EPHX2: variants seen among roughly 807,000 people sequenced by gnomAD.
EPHX2 encodes bifunctional epoxide hydrolase 2.
In EPHX2, 74 loss-of-function variants were observed where a neutral mutation model predicts 78.7. The observed-to-expected ratio is 0.94, with a 90% CI of 0.78 to 1.14. EPHX2 has a LOEUF of 1.14. Among genes scored for constraint, EPHX2 ranks in the 50% most tolerant of loss-of-function variants. The pLI, the probability that EPHX2 is intolerant of heterozygous loss-of-function variation, is 0.00. For missense variants in EPHX2, 715 were observed against 702.5 expected (o/e 1.02, Z -0.20); for synonymous variants, 251 against 255.2 (o/e 0.98, Z 0.16).
At chr8:27,519,598 T>C (rs1280977488) in intron 9 of EPHX2, among the ~76,000 whole-genome samples, 2 of 152,188 alleles carry the variant, frequency 1.3e-5, no homozygotes, top group Non-Finnish European at 2.9e-5. Context: ...GCTTGGTTCC[T>C]GAGAGGATGC....
intron 1 of EPHX2, among the ~76,000 whole-genome samples, chr8:27,495,890 C>T (rs766457941): frequency 6.6e-6 from 1 of 152,116 alleles, no homozygotes; most frequent in African/African-American, 2.4e-5. Context: ...TGTACTAGGG[C>T]CTGCTTTAAG....
intron 11 of EPHX2, among the ~76,000 whole-genome samples, chr8:27,525,079 T>C (rs1022546443): frequency 9.3e-5 from 13 of 139,664 alleles, no homozygotes; most frequent in Non-Finnish European, 2.0e-4. Flanking sequence ...TGTGTGTGTG[T>C]GTGTGTGTGT....
At chr8:27,526,571 C>G (rs1160156761) in intron 12 of EPHX2, among the ~76,000 whole-genome samples, 1 of 152,124 alleles carries the variant, frequency 6.6e-6, no homozygotes, top group Non-Finnish European at 1.5e-5. Context: ...GCTGCCATAA[C>G]AAAGGCTAGG....
In EPHX2 at chr8:27,544,649, CA is replaced by C. The variant is rs1815528984; in HGVS notation, c.*128del. On this transcript the variant is annotated 3_prime_UTR_variant, in exon 19 of 19. Coordinates refer to ENST00000521400, the MANE Select transcript of EPHX2 (RefSeq NM_001979.6). ...GGCAGCATTGTTCTGAAGGGGTTTG[CA>C]GAAAAAAAAGATTTTCTTTACATAA... 1.1e-6 allele frequency: 1 copy of C among 927,562 alleles called. No individual in the cohort carries two copies. Among genetic ancestry groups the C allele is most frequent in the Non-Finnish European group, 1.7e-6 (1 of 598,640 alleles). 57.5% of individuals were successfully genotyped at this position (927,562 alleles called of 1,614,324 possible). A position where few individuals can be genotyped will look rare whatever the true frequency, so the allele number is the denominator to read the frequency against.
intron 3 of EPHX2, among the ~76,000 whole-genome samples, chr8:27,504,377 T>G (rs1013173894): frequency 3.3e-5 from 5 of 152,212 alleles, no homozygotes; most frequent in Admixed American, 2.0e-4. Flanking sequence ...TTTCCAGCAT[T>G]GCCTAGTTCT....
Position 27,500,912 on chromosome 8 carries a change from T to C in EPHX2, c.102-14T>C. 1 of 1,610,900 alleles carries C rather than the reference T, an allele frequency of 6.2e-7. No individual in the cohort carries two copies. Among genetic ancestry groups the C allele is most frequent in the Non-Finnish European group, 8.5e-7 (1 of 1,178,008 alleles). Reference sequence around the variant, plus strand: ...AATCCACAGAATGTTCCTGATGTTCTTTGTGTTTTCCAGAGGACTTCTGAA... The same window carrying C: ...AATCCACAGAATGTTCCTGATGTTCCTTGTGTTTTCCAGAGGACTTCTGAA... On this transcript the variant is annotated splice_polypyrimidine_tract_variant and intron_variant, in intron 1 of 18. Coordinates refer to ENST00000521400, the MANE Select transcript of EPHX2 (RefSeq NM_001979.6).
intron 12 of EPHX2, among the ~76,000 whole-genome samples, chr8:27,535,548 C>T (rs774863558): frequency 2.6e-5 from 4 of 152,162 alleles, no homozygotes; most frequent in Admixed American, 6.5e-5. Flanking sequence ...TCCTAAACTA[C>T]GTCTGGAACA....
At chr8:27,508,118 T>C (rs1814085579) in intron 5 of EPHX2, among the ~76,000 whole-genome samples, 1 of 152,124 alleles carries the variant, frequency 6.6e-6, no homozygotes, top group Admixed American at 6.6e-5. Flanking sequence ...CTGGCCAACA[T>C]GGCTACAACC....
At chr8:27,546,240 G>A (rs1815574692), downstream of EPHX2, among the ~76,000 whole-genome samples, 1 of 151,996 alleles carries the variant, frequency 6.6e-6, no homozygotes. Context: ...AAGGATATCT[G>A]TGCCCCAGTT....
chr8:27,539,422 G>A (rs1408812910), intron 14 of EPHX2, among the ~76,000 whole-genome samples: 1 of 152,200 alleles, frequency 6.6e-6, no homozygotes, highest in Non-Finnish European at 1.5e-5. Context: ...TTCCAAAGAG[G>A]AAAACAGGTC....
intron 11 of EPHX2, among the ~76,000 whole-genome samples, chr8:27,525,107 T>TGTGTGTGTGC (rs1491544464): frequency 2.2e-4 from 23 of 103,490 alleles, no homozygotes; most frequent in African/African-American, 8.0e-4. Context: ...TGTGTGTGTG[T>TGTGTGTGTGC]GCGCGCGCGC....
chr8:27,502,405 A>G (rs1424031466), intron 2 of EPHX2, among the ~76,000 whole-genome samples: 1 of 152,240 alleles, frequency 6.6e-6, no homozygotes, highest in African/African-American at 2.4e-5. Flanking sequence ...ATGTGTATAT[A>G]TAACAATCCA....
chr8:27,522,555 ACTC>A, intron 11 of EPHX2, 47 bp downstream of exon 11: 1 of 1,577,348 alleles, frequency 6.3e-7, no homozygotes, highest in Non-Finnish European at 8.7e-7. Context: ...CTGGACTTGA[ACTC>A]CTGTGAGAAT....
chr8:27,519,638 T>C (rs939796786), intron 9 of EPHX2, among the ~76,000 whole-genome samples: 2 of 152,252 alleles, frequency 1.3e-5, no homozygotes, highest in African/African-American at 4.8e-5. Context: ...TCGTGAAGAC[T>C]GATGAACGAT....
chr8:27,515,210 C>A (rs531093004), intron 6 of EPHX2, among the ~76,000 whole-genome samples: 1 of 152,238 alleles, frequency 6.6e-6, no homozygotes, highest in East Asian at 1.9e-4. Flanking sequence ...TTCCTTTTCA[C>A]CAAGAAAACC....
Position 27,511,875 on chromosome 8 carries a change from C to T in EPHX2, c.700C>T (p.Pro234Ser). The change falls in exon 6 of 19, where the codon CCA becomes TCA. Residue 234 changes from proline to serine, a missense_variant. Transcript: ENST00000521400. ...GGCCCCTCTGCCGACCTCTTGCAAT[C>T]CAAGTGACATGAGCCATGGGTACGT... Reference protein sequence around the residue: ...TPAPLPTSCNPSDMSHGYVTV... With the variant: ...TPAPLPTSCNSSDMSHGYVTV... 6.2e-7 allele frequency: 1 copy of T among 1,614,182 alleles called. No homozygotes were observed. Among genetic ancestry groups the T allele is most frequent in the Non-Finnish European group, 8.5e-7 (1 of 1,180,034 alleles).
At chr8:27,510,134 C>A (rs924347242) in intron 5 of EPHX2, among the ~76,000 whole-genome samples, 5 of 152,212 alleles carry the variant, frequency 3.3e-5, no homozygotes, top group African/African-American at 2.4e-5. Context: ...TCTGCAGAGT[C>A]TTCCATAGTT....
intron 12 of EPHX2, among the ~76,000 whole-genome samples, chr8:27,530,211 C>A (rs34771389): frequency 1.3e-5 from 2 of 152,066 alleles, no homozygotes; most frequent in Non-Finnish European, 2.9e-5. Flanking sequence ...TTCTTAATCT[C>A]TAGAACACAG....
At chr8:27,525,068 CTG>C (rs56963159) in intron 11 of EPHX2, among the ~76,000 whole-genome samples, 56,674 of 130,736 alleles carry the variant, frequency 0.43, 13,384 homozygotes, top group Non-Finnish European at 0.54. Flanking sequence ...AGTATGTGTA[CTG>C]TGTGTGTGTG....
Sources: gnomAD v4.1 joint callset for allele counts (sites outside exome capture counted in the v4.1 genomes callset) on GRCh38, gnomAD v4.1.1 for gene constraint, MANE v1.5 for transcripts, NCBI Gene and HGNC (gene_info 2026-07-23, HGNC 2026-07-21) for gene names.